SH3RF3: variants seen among roughly 807,000 people sequenced by gnomAD.
The protein encoded by SH3RF3 is SH3 domain containing ring finger 3.
Under a neutral mutation model 66.3 loss-of-function variants are expected in SH3RF3, and 29 were observed. The observed-to-expected ratio is 0.44, with a 90% CI of 0.33 to 0.60. The LOEUF is 0.60. Ranked by LOEUF, SH3RF3 falls within the 20% of genes least tolerant of loss-of-function variation. The probability of loss-of-function intolerance (pLI) is 0.04; values close to 1 mark genes in which losing one functional copy is unlikely to be tolerated. For synonymous variants in SH3RF3, 583 were observed against 532.0 expected, an observed-to-expected ratio of 1.10 and a Z score of -1.32; for missense variants, 1,194 against 1,190.9, an observed-to-expected ratio of 1.00 and a Z score of -0.04.
chr2:109,213,167 T>G (rs373054251), intron 1 of SH3RF3, among the ~76,000 whole-genome samples: 23 of 152,126 alleles, frequency 1.5e-4, no homozygotes, highest in Middle Eastern at 3.2e-3. Context: ...TTAAACCACA[T>G]GGGCGCGGTT....
chr2:109,179,157 C>G (rs1477844217), intron 1 of SH3RF3, among the ~76,000 whole-genome samples: 1 of 151,928 alleles, frequency 6.6e-6, no homozygotes, highest in Non-Finnish European at 1.5e-5. Context: ...GTACAATGTC[C>G]CTGACCAGAG....
At chr2:109,196,559 C>T (rs1279416287) in intron 1 of SH3RF3, among the ~76,000 whole-genome samples, 1 of 152,200 alleles carries the variant, frequency 6.6e-6, no homozygotes, top group Admixed American at 6.5e-5. Flanking sequence ...GTTTGTCGTC[C>T]TGCAAGAGTG....
chr2:109,186,399 A>G (rs1678187676), intron 1 of SH3RF3, among the ~76,000 whole-genome samples: 1 of 152,240 alleles, frequency 6.6e-6, no homozygotes, highest in African/African-American at 2.4e-5. Flanking sequence ...TAAGAGGCGG[A>G]GCCTCGATAC....
chr2:109,490,644 G>A lies in SH3RF3; in HGVS notation c.2188G>A (p.Ala730Thr). 1 of 1,497,228 alleles carries A rather than the reference G, an allele frequency of 6.7e-7. No homozygotes were observed. Among genetic ancestry groups the A allele is most frequent in the Non-Finnish European group, 8.9e-7 (1 of 1,121,502 alleles). 92.7% of individuals were successfully genotyped at this position (1,497,228 alleles called of 1,614,324 possible). The change falls in exon 9 of 10, where the codon GCA becomes ACA. Residue 730 changes from alanine to threonine, a missense_variant. Transcript: ENST00000309415. Reference protein sequence around the residue: ...KSGLLKLLAGASTKKKSRSPP... With the variant: ...KSGLLKLLAGTSTKKKSRSPP... ...TGGGCTCCTGAAGCTTCTAGCCGGA[G>A]CATCCACCAAGAAGAAGTCACGCTC...
intron 3 of SH3RF3, among the ~76,000 whole-genome samples, chr2:109,375,278 C>T (rs2105699751): frequency 6.6e-6 from 1 of 152,344 alleles, no homozygotes; most frequent in African/African-American, 2.4e-5. Context: ...GCCTCCTTGT[C>T]CTTTTCGCCC....
Position 109,503,452 on chromosome 2 carries a change from AGAT to A in SH3RF3, c.*1785_*1787del, listed in dbSNP as rs1679448732. 6.6e-6 allele frequency: 1 copy of A among 152,156 alleles called. No homozygotes were observed. Among genetic ancestry groups the A allele is most frequent in the South Asian group, 2.1e-4 (1 of 4,828 alleles). The allele number at this position is 152,156 out of a possible 1,614,324, so 9.4% of individuals were successfully genotyped here. Reference sequence around the variant, plus strand: ...GGGGGTCATGCCTTTCCCTCCCCCAAGATGATAATAGATTTAATAGACTCAAAG... The same window carrying A: ...GGGGGTCATGCCTTTCCCTCCCCCAAGATAATAGATTTAATAGACTCAAAG... On this transcript the variant is annotated 3_prime_UTR_variant, in exon 10 of 10. Transcript: ENST00000309415.
At chr2:109,144,525 T>C (rs1397986307) in intron 1 of SH3RF3, among the ~76,000 whole-genome samples, 1 of 152,208 alleles carries the variant, frequency 6.6e-6, no homozygotes, top group East Asian at 1.9e-4. Context: ...GGGAAGAGTT[T>C]GAACGAGGTG....
chr2:109,200,133 A>G (rs866668721), intron 1 of SH3RF3, among the ~76,000 whole-genome samples: 4 of 152,196 alleles, frequency 2.6e-5, no homozygotes, highest in Non-Finnish European at 4.4e-5. Context: ...GACATGCTCC[A>G]CATGCTCCTA....
intron 2 of SH3RF3, among the ~76,000 whole-genome samples, chr2:109,366,829 G>A (rs1683159658): frequency 6.6e-6 from 1 of 152,124 alleles, no homozygotes; most frequent in Non-Finnish European, 1.5e-5. Flanking sequence ...CTCCAGCCTG[G>A]GCAACAGAGC....
chr2:109,237,011 C>T (rs1266739573), intron 1 of SH3RF3, among the ~76,000 whole-genome samples: 1 of 152,118 alleles, frequency 6.6e-6, no homozygotes, highest in Non-Finnish European at 1.5e-5. Flanking sequence ...GGAAGCTAAA[C>T]TTAGAAGGTA....
At chr2:109,268,710 A>G (rs1680558219) in intron 1 of SH3RF3, among the ~76,000 whole-genome samples, 1 of 150,952 alleles carries the variant, frequency 6.6e-6, no homozygotes, top group South Asian at 2.1e-4. Context: ...GCAGTGTTCA[A>G]TAAACTGCAT....
rs150786578 is a variant in SH3RF3, at chr2:109,348,843, T to C, written c.849+894T>C. On this transcript the variant is annotated intron_variant, in intron 2 of 9. Coordinates refer to ENST00000309415, the MANE Select transcript of SH3RF3 (RefSeq NM_001099289.3). ...GCTCCCCGCCGCCCCCAGATGTAAATGACAGAGCCAGAATCCTAATGCAGA... is the reference window on the plus strand; with the variant it reads ...GCTCCCCGCCGCCCCCAGATGTAAACGACAGAGCCAGAATCCTAATGCAGA... Among the ~76,000 whole-genome samples the C allele has an allele frequency of 3.2e-3, 480 of 152,212 alleles. 3 individuals are homozygous for C. The highest frequency in any genetic ancestry group is 0.011 in the African/African-American group (451 of 41,518).
intron 1 of SH3RF3, among the ~76,000 whole-genome samples, chr2:109,284,636 G>T (rs756972090): frequency 3.3e-4 from 50 of 152,228 alleles, no homozygotes; most frequent in Non-Finnish European, 6.0e-4. Flanking sequence ...GGAGACCATT[G>T]CCAATGTCAT....
intron 1 of SH3RF3, among the ~76,000 whole-genome samples, chr2:109,305,910 C>T (rs1681583833): frequency 6.6e-6 from 1 of 152,226 alleles, no homozygotes; most frequent in Non-Finnish European, 1.5e-5. Context: ...GAGCTCTGCC[C>T]TTTGGGCTGC....
At chr2:109,199,612 T>TTAACCC (rs1574499835) in intron 1 of SH3RF3, among the ~76,000 whole-genome samples, 3 of 334 alleles carry the variant, frequency 9.0e-3, no homozygotes, top group African/African-American at 8.8e-3. Flanking sequence ...TGGAATGGAA[T>TTAACCC]GGAATGGAAT....
intron 8 of SH3RF3, among the ~76,000 whole-genome samples, chr2:109,480,741 C>T (rs1678814205): frequency 6.6e-6 from 1 of 152,168 alleles, no homozygotes; most frequent in Non-Finnish European, 1.5e-5. Context: ...TCCTCTCCTC[C>T]TGGATCCCCT....
At chr2:109,458,035 C>T (rs1052367871) in intron 8 of SH3RF3, among the ~76,000 whole-genome samples, 6 of 152,054 alleles carry the variant, frequency 3.9e-5, no homozygotes, top group African/African-American at 1.5e-4. Context: ...TTTGTTTTTT[C>T]AGGCACTCAG....
intron 1 of SH3RF3, among the ~76,000 whole-genome samples, chr2:109,187,336 C>T (rs74945340): frequency 6.2e-4 from 92 of 148,208 alleles, no homozygotes; most frequent in African/African-American, 2.3e-3. Context: ...GCTCTTTTCT[C>T]CAGAGTGCAA....
intron 1 of SH3RF3, among the ~76,000 whole-genome samples, chr2:109,286,843 C>T (rs1398848579): frequency 6.6e-6 from 1 of 152,144 alleles, no homozygotes; most frequent in Non-Finnish European, 1.5e-5. Context: ...TTTCCCAGAT[C>T]CAAACTTCTC....
Sources: allele counts gnomAD v4.1 joint callset (sites outside exome capture counted in the v4.1 genomes callset), GRCh38; gene constraint gnomAD v4.1.1; transcripts MANE v1.5; gene names NCBI Gene and HGNC (gene_info 2026-07-23, HGNC 2026-07-21).